CHODL: variants seen among roughly 807,000 people sequenced by gnomAD.
The protein encoded by CHODL is chondrolectin, also known as transmembrane protein MT75.
In CHODL, 29 loss-of-function variants were observed where a neutral mutation model predicts 34.5. That is an observed-to-expected ratio of 0.84 (90% CI 0.63 to 1.15). CHODL has a LOEUF of 1.15. Among genes scored for constraint, CHODL ranks in the 50% most tolerant of loss-of-function variants. CHODL has a pLI of 0.00. For synonymous variants in CHODL, 125 were observed against 116.1 expected, an observed-to-expected ratio of 1.08 and a Z score of -0.49; for missense variants, 332 against 332.5, an observed-to-expected ratio of 1.00 and a Z score of 0.01.
rs142687789 is a variant in CHODL at position 17,922,565 on chromosome 21, A to G, written c.-145+5165A>G. Among the ~76,000 whole-genome samples, 363 of 152,352 alleles carry G rather than the reference A, an allele frequency of 2.4e-3. 2 individuals are homozygous for G. The highest frequency in any genetic ancestry group is 8.2e-3 in the African/African-American group (343 of 41,576). On this transcript the variant is annotated intron_variant, in intron 1 of 6. Transcript: ENST00000400127. The stretch of plus-strand genomic sequence containing the variant: ...TTGTTAGCACACTTATCTATGAAGT[A>G]CTTTAATTAAATAAAGGGTTATTTA...
intron 1 of CHODL, among the ~76,000 whole-genome samples, chr21:18,015,420 T>C (rs939107507): frequency 2.6e-5 from 4 of 152,202 alleles, no homozygotes. Flanking sequence ...CTTGTGGGAC[T>C]GTGAGTCAAT....
At chr21:18,182,544 A>G (rs1459616789) in intron 2 of CHODL, among the ~76,000 whole-genome samples, 1 of 152,232 alleles carries the variant, frequency 6.6e-6, no homozygotes, top group Non-Finnish European at 1.5e-5. Context: ...AGCTGGAAAA[A>G]AAGGATCTGT....
chr21:17,928,243 C>T (rs758493015), intron 1 of CHODL, among the ~76,000 whole-genome samples: 6 of 152,190 alleles, frequency 3.9e-5, no homozygotes, highest in Non-Finnish European at 7.4e-5. Context: ...ATACTCTTGT[C>T]TTCAATGAAT....
At chr21:18,031,572 A>T (rs2064248445) in intron 2 of CHODL, among the ~76,000 whole-genome samples, 1 of 152,056 alleles carries the variant, frequency 6.6e-6, no homozygotes, top group African/African-American at 2.4e-5. Flanking sequence ...TACATTTGCC[A>T]TTGGAAAGGG....
At chr21:17,973,590 GTAT>G (rs1318826860) in intron 1 of CHODL, among the ~76,000 whole-genome samples, 5 of 139,190 alleles carry the variant, frequency 3.6e-5, no homozygotes, top group Non-Finnish European at 7.7e-5. Context: ...CTAATTTTTT[GTAT>G]TTTTTTTTAG....
chr21:18,112,336 A>T (rs1473687326), intron 2 of CHODL, among the ~76,000 whole-genome samples: 1 of 152,146 alleles, frequency 6.6e-6, no homozygotes, highest in African/African-American at 2.4e-5. Flanking sequence ...TATCTATACT[A>T]CTCAAAGCAA....
chr21:18,251,111 A>G (rs1417262021), intron 1 of CHODL, among the ~76,000 whole-genome samples: 1 of 151,450 alleles, frequency 6.6e-6, no homozygotes, highest in Non-Finnish European at 1.5e-5. Context: ...AAAGCAAACT[A>G]CCCTGACTTC....
intron 2 of CHODL, among the ~76,000 whole-genome samples, chr21:18,028,851 G>T (rs1050168707): frequency 2.0e-5 from 3 of 152,048 alleles, no homozygotes; most frequent in Non-Finnish European, 4.4e-5. Flanking sequence ...GCCCAGCCTG[G>T]TTCATAGACA....
chr21:18,068,058 TCA>T (rs1177235496), intron 2 of CHODL, among the ~76,000 whole-genome samples: 1 of 152,160 alleles, frequency 6.6e-6, no homozygotes, highest in Non-Finnish European at 1.5e-5. Flanking sequence ...ATTATTTTTC[TCA>T]CTTATTTTTA....
chr21:18,167,137 G>C (rs890613009), intron 2 of CHODL, among the ~76,000 whole-genome samples: 1 of 151,666 alleles, frequency 6.6e-6, no homozygotes, highest in Non-Finnish European at 1.5e-5. Flanking sequence ...ATACAGGTGA[G>C]ACAAATATCC....
intron 2 of CHODL, among the ~76,000 whole-genome samples, chr21:18,188,930 G>A (rs1052126179): frequency 2.0e-5 from 3 of 152,218 alleles, no homozygotes; most frequent in Non-Finnish European, 2.9e-5. Context: ...GACCAATAAC[G>A]AGGGTGATGC....
rs960057388 is a variant in CHODL, at chr21:17,939,489, A to G, written c.-145+22089A>G. Among the ~76,000 whole-genome samples the G allele has an allele frequency of 6.5e-4, 99 of 152,358 alleles. 1 individual carries two copies. The highest frequency in any genetic ancestry group is 2.2e-3 in the African/African-American group (90 of 41,586). On this transcript the variant is annotated intron_variant, in intron 1 of 6. Coordinates refer to the CHODL transcript ENST00000400127. ...TTATCCATTTCATCTGTCAGTGAAC[A>G]TTAAAAACAATAAAGTAATTCACAA...
At chr21:18,262,720 A>C in intron 4 of CHODL, 71 bp from the exon 5 acceptor site, 1 of 859,272 alleles carries the variant, frequency 1.2e-6, no homozygotes, top group Non-Finnish European at 1.9e-6. Context: ...TTTTTGAAAC[A>C]TTCTTACATA....
rs769745802 is a variant in CHODL at position 18,256,599 on chromosome 21, C to T, written c.170C>T (p.Ala57Val). ...TCCAGCCGAGTGAGCTTTCAGGAGGCACGCCTGGCTTGTGAGAGTGAGGGA... is the reference window on the plus strand; with the variant it reads ...TCCAGCCGAGTGAGCTTTCAGGAGGTACGCCTGGCTTGTGAGAGTGAGGGA... Reference protein sequence around the residue: ...ELSSRVSFQEARLACESEGGV... With the variant: ...ELSSRVSFQEVRLACESEGGV... Residue 57 changes from alanine (A) to valine (V), a missense_variant, in exon 2 of 6, where the codon GCA becomes GTA. Ala to Val is a moderately conservative substitution (Grantham distance 64). Coordinates refer to ENST00000299295, the MANE Select transcript of CHODL (RefSeq NM_024944.3). The T allele has an allele frequency of 6.2e-7, 1 of 1,613,918 alleles. No homozygotes were observed.
At chr21:18,186,757 T>G (rs1049299143) in intron 2 of CHODL, among the ~76,000 whole-genome samples, 3 of 152,194 alleles carry the variant, frequency 2.0e-5, no homozygotes, top group Admixed American at 6.5e-5. Flanking sequence ...CTAGGTTAGG[T>G]TAGAATCTTA....
At chr21:18,243,941 C>T (rs2074105548), upstream of CHODL, among the ~76,000 whole-genome samples, 1 of 152,016 alleles carries the variant, frequency 6.6e-6, no homozygotes, top group African/African-American at 2.4e-5. Context: ...GAGAAAATAC[C>T]AATTCTACTG....
At chr21:18,204,675 C>T (rs961586581) in intron 2 of CHODL, among the ~76,000 whole-genome samples, 1 of 152,108 alleles carries the variant, frequency 6.6e-6, no homozygotes, top group Non-Finnish European at 1.5e-5. Context: ...TCATGTTACC[C>T]ACTGTAGTTT....
chr21:17,990,881 C>A (rs529887636), intron 1 of CHODL, among the ~76,000 whole-genome samples: 1 of 152,098 alleles, frequency 6.6e-6, no homozygotes, highest in South Asian at 2.1e-4. Flanking sequence ...ATTAAAGTCA[C>A]CCTACTGTGC....
At chr21:17,999,966 C>T (rs1047369678) in intron 1 of CHODL, among the ~76,000 whole-genome samples, 4 of 152,174 alleles carry the variant, frequency 2.6e-5, no homozygotes, top group Non-Finnish European at 5.9e-5. Context: ...GAGAGAAATA[C>T]TCTTCTTTCT....
Sources: gnomAD v4.1 joint callset for allele counts (sites outside exome capture counted in the v4.1 genomes callset) on GRCh38, gnomAD v4.1.1 for gene constraint, MANE v1.5 for transcripts, NCBI Gene and HGNC (gene_info 2026-07-23, HGNC 2026-07-21) for gene names.